SNTG1: variants seen among roughly 807,000 people sequenced by gnomAD.
The protein encoded by SNTG1 is gamma-1-syntrophin.
SNTG1 carries 39 observed loss-of-function variants against 74.7 expected under a neutral mutation model. The observed-to-expected ratio is 0.52, with a 90% CI of 0.40 to 0.68. The LOEUF (loss-of-function observed/expected upper bound fraction) is 0.68, where lower values mean the gene tolerates loss of function less well. Ranked by LOEUF, SNTG1 falls within the 30% of genes least tolerant of loss-of-function variation. SNTG1 has a pLI of 0.00. For missense variants in SNTG1, 685 were observed against 609.5 expected (o/e 1.12, Z -1.30); for synonymous variants, 254 against 217.1 (o/e 1.17, Z -1.49).
chr8:50,500,444 A>C (rs989441382), intron 8 of SNTG1, among the ~76,000 whole-genome samples: 1 of 152,118 alleles, frequency 6.6e-6, no homozygotes, highest in African/African-American at 2.4e-5. Context: ...TTTCACTTGA[A>C]TCAAAAAGCT....
chr8:50,023,799 A>T (rs979167599), intron 1 of SNTG1, among the ~76,000 whole-genome samples: 12 of 152,216 alleles, frequency 7.9e-5, no homozygotes, highest in Non-Finnish European at 1.5e-4. Flanking sequence ...AATGGCAATT[A>T]TAATAACAAA....
At chr8:50,529,709 G>T (rs1050735510) in intron 9 of SNTG1, among the ~76,000 whole-genome samples, 1 of 151,912 alleles carries the variant, frequency 6.6e-6, no homozygotes, top group African/African-American at 2.4e-5. Flanking sequence ...TGGATACTTG[G>T]ATACTAACAA....
chr8:50,079,272 C>T (rs756894879), intron 1 of SNTG1, among the ~76,000 whole-genome samples: 8 of 152,192 alleles, frequency 5.3e-5, no homozygotes, highest in Admixed American at 1.3e-4. Context: ...GAGACAGTAT[C>T]TCATTGCGGT....
In SNTG1 at chr8:50,462,794, C is replaced by CTTTTTTTTTTTTTTTTTTTTTTTTT. The variant is rs2093576027; in HGVS notation, c.363+12066_363+12067insTTTTTTTTTTTTTTTTTTTTTTTTT. 1.8e-4 allele frequency among the ~76,000 whole-genome samples: 8 copies of CTTTTTTTTTTTTTTTTTTTTTTTTT among 43,628 alleles called. 4 individuals are homozygous for CTTTTTTTTTTTTTTTTTTTTTTTTT. Among genetic ancestry groups the CTTTTTTTTTTTTTTTTTTTTTTTTT allele is most frequent in the Admixed American group, 5.9e-4 (2 of 3,406 alleles). 28.6% of individuals were successfully genotyped at this position (43,628 alleles called of 152,430 possible). ...AACTCAGTCGCATCTTCAGGTTCTA[C>CTTTTTTTTTTTTTTTTTTTTTTTTT]TCTTTTTTTTTTTTTTTTTTTTTTT... On this transcript the variant is annotated intron_variant, in intron 8 of 18. Coordinates refer to ENST00000642720, the MANE Select transcript of SNTG1 (RefSeq NM_018967.5).
intron 2 of SNTG1, among the ~76,000 whole-genome samples, chr8:50,388,707 C>T (rs181745586): frequency 6.6e-6 from 1 of 152,306 alleles, no homozygotes; most frequent in East Asian, 1.9e-4. Context: ...ACAGAGGAAA[C>T]TCATGCTTGC....
chr8:50,599,572 C>T (rs2094757653), intron 13 of SNTG1, among the ~76,000 whole-genome samples: 1 of 151,816 alleles, frequency 6.6e-6, no homozygotes, highest in African/African-American at 2.4e-5. Context: ...GGTGATCTTT[C>T]ATTTCTTTGT....
At chr8:50,182,059 T>A (rs970856569) in intron 2 of SNTG1, among the ~76,000 whole-genome samples, 2 of 152,174 alleles carry the variant, frequency 1.3e-5, no homozygotes, top group Admixed American at 6.6e-5. Context: ...ATGAACTCAA[T>A]GGAGCAAGTG....
At chr8:50,312,284 A>T (rs140696793) in intron 2 of SNTG1, among the ~76,000 whole-genome samples, 2 of 152,242 alleles carry the variant, frequency 1.3e-5, no homozygotes, top group Non-Finnish European at 2.9e-5. Flanking sequence ...TTTTCTGGTC[A>T]ATTCCCCGCT....
chr8:50,144,346 A>G (rs564350359), intron 1 of SNTG1, among the ~76,000 whole-genome samples: 5 of 152,198 alleles, frequency 3.3e-5, no homozygotes, highest in Non-Finnish European at 7.4e-5. Context: ...TGATTTTGAT[A>G]GGACAGAATA....
At chr8:50,400,207 A>G (rs1473995809) in intron 3 of SNTG1, among the ~76,000 whole-genome samples, 1 of 152,232 alleles carries the variant, frequency 6.6e-6, no homozygotes, top group Non-Finnish European at 1.5e-5. Flanking sequence ...TGCCTGGGAT[A>G]GCATGCTCCT....
intron 15 of SNTG1, among the ~76,000 whole-genome samples, chr8:50,700,469 T>C (rs900984964): frequency 6.6e-6 from 1 of 152,126 alleles, no homozygotes; most frequent in African/African-American, 2.4e-5. Flanking sequence ...CCAAAGTTTC[T>C]CCTCCTCCCA....
chr8:50,491,551 A>C (rs1315629651), intron 8 of SNTG1: 1 of 152,262 alleles, frequency 6.6e-6, no homozygotes, highest in African/African-American at 2.4e-5. Flanking sequence ...GCTGGCGGTC[A>C]GCAGCCCCTT....
At chr8:50,717,243 G>A (rs1166763988) in intron 17 of SNTG1, among the ~76,000 whole-genome samples, 1 of 151,590 alleles carries the variant, frequency 6.6e-6, no homozygotes, top group African/African-American at 2.4e-5. Context: ...CTTTCTTTCT[G>A]TGGCTTCTGA....
chr8:50,632,040 A>T lies in SNTG1; in HGVS notation c.850-24869A>T, dbSNP rs548965417. 8.7e-4 allele frequency among the ~76,000 whole-genome samples: 133 copies of T among 152,276 alleles called. 4 individuals carry two copies. The South Asian group carries it at 0.026, about 30-fold the overall frequency. On this transcript the variant is annotated intron_variant, in intron 13 of 18. Transcript: ENST00000642720. ...TTAGGAAATACTTCAAAATGAGGTC[A>T]CTTGAAATAACTACTGTGCTGTTTA...
At chr8:50,546,002 G>A (rs927132651) in intron 11 of SNTG1, among the ~76,000 whole-genome samples, 33 of 152,070 alleles carry the variant, frequency 2.2e-4, no homozygotes, top group Admixed American at 1.4e-3. Flanking sequence ...ATATTTTGGG[G>A]GATCTGAGGA....
chr8:50,097,881 A>T (rs1183073475), intron 1 of SNTG1, among the ~76,000 whole-genome samples: 1 of 152,138 alleles, frequency 6.6e-6, no homozygotes, highest in East Asian at 1.9e-4. Context: ...ATTTCATTCA[A>T]ATTTGTTTAT....
intron 1 of SNTG1, among the ~76,000 whole-genome samples, chr8:50,059,634 A>G (rs1820311373): frequency 6.6e-6 from 1 of 152,068 alleles, no homozygotes; most frequent in Non-Finnish European, 1.5e-5. Flanking sequence ...ACTTAGCATA[A>G]TGTTTCCCAG....
intron 2 of SNTG1, among the ~76,000 whole-genome samples, chr8:50,273,353 T>C (rs1003790206): frequency 3.3e-5 from 5 of 152,188 alleles, no homozygotes; most frequent in Non-Finnish European, 5.9e-5. Context: ...CCACATACTT[T>C]GTCATTCCTT....
intron 2 of SNTG1, among the ~76,000 whole-genome samples, chr8:50,227,542 A>T (rs1341861752): frequency 6.6e-6 from 1 of 152,114 alleles, no homozygotes; most frequent in Admixed American, 6.5e-5. Context: ...AAAACTTGTG[A>T]AGGTCCCAGA....
Sources: gnomAD v4.1 joint callset for allele counts (sites outside exome capture counted in the v4.1 genomes callset) on GRCh38, gnomAD v4.1.1 for gene constraint, MANE v1.5 for transcripts, NCBI Gene and HGNC (gene_info 2026-07-23, HGNC 2026-07-21) for gene names.